The following HECW1 variants were observed in gnomAD, a reference collection of about 807,000 sequenced individuals.
The protein encoded by HECW1 is HECT, C2 and WW domain containing E3 ubiquitin protein ligase 1, also known as E3 ubiquitin-protein ligase HECW1.
HECW1 carries 61 observed loss-of-function variants against 182.3 expected under a neutral mutation model. The observed-to-expected ratio is 0.33, with a 90% CI of 0.27 to 0.41. The LOEUF (loss-of-function observed/expected upper bound fraction) is 0.41, where lower values mean the gene tolerates loss of function less well. Among genes scored for constraint, HECW1 ranks in the 10% least tolerant of loss-of-function variants. HECW1 has a pLI of 1.00. For missense variants in HECW1, 1,739 were observed against 2,108.9 expected, an observed-to-expected ratio of 0.82 and a Z score of 3.44; for synonymous variants, 859 against 832.6, an observed-to-expected ratio of 1.03 and a Z score of -0.55.
chr7:43,565,629 C>G lies in HECW1; in HGVS notation c.*3703C>G, dbSNP rs1433650450. On this transcript the variant is annotated 3_prime_UTR_variant, in exon 30 of 30. Coordinates refer to ENST00000395891, the MANE Select transcript of HECW1 (RefSeq NM_015052.5). ...ACTTCAGTGTTCATTATTAAAACTA[C>G]CGCAATACTATATCATAAAAATCTG... The G allele has an allele frequency of 1.1e-5, 2 of 175,504 alleles. No homozygotes were observed. The highest frequency in any genetic ancestry group is 2.4e-5 in the Non-Finnish European group (2 of 81,942). The allele number at this position is 175,504 out of a possible 1,614,324, so 10.9% of individuals were successfully genotyped here. A position where few individuals can be genotyped will look rare whatever the true frequency, so the allele number is the denominator to read the frequency against.
chr7:43,154,280 T>C (rs1227765740), intron 2 of HECW1, among the ~76,000 whole-genome samples: 1 of 152,196 alleles, frequency 6.6e-6, no homozygotes, highest in Non-Finnish European at 1.5e-5. Context: ...TTGAGCATGT[T>C]CCATTTACAA....
rs982954645 is a variant in HECW1 at position 43,243,876 on chromosome 7, A to T, written c.-30A>T. The T allele has an allele frequency of 6.2e-7, 1 of 1,612,622 alleles. No individual in the cohort carries two copies. Among genetic ancestry groups the T allele is most frequent in the Non-Finnish European group, 8.5e-7 (1 of 1,178,764 alleles). On this transcript the variant is annotated splice_region_variant and 5_prime_UTR_variant, in exon 3 of 30. Coordinates refer to ENST00000395891, the MANE Select transcript of HECW1 (RefSeq NM_015052.5). This position sits in a 1 kb window ranked among gnomAD's most constrained non-coding sequence, Gnocchi z 4.0. Reference sequence around the variant, plus strand: ...TAACCTCGTTGGACTTTTCCCCAGGAATTGATGCGCGTACACGTGGTGGGT... The same window carrying T: ...TAACCTCGTTGGACTTTTCCCCAGGTATTGATGCGCGTACACGTGGTGGGT...
intron 2 of HECW1, among the ~76,000 whole-genome samples, chr7:43,141,088 C>G (rs1056362184): frequency 3.9e-5 from 6 of 152,208 alleles, no homozygotes; most frequent in African/African-American, 1.4e-4. Flanking sequence ...CACAGACATT[C>G]AGTTCATAAC....
chr7:43,493,176 C>G lies in HECW1; in HGVS notation c.3433C>G (p.Leu1145Val), dbSNP rs371604134. 2.2e-5 allele frequency: 36 copies of G among 1,609,744 alleles called. No homozygotes were observed. Among genetic ancestry groups the G allele is most frequent in the Non-Finnish European group, 2.9e-5 (34 of 1,176,430 alleles). Residue 1145 changes from leucine (L) to valine (V), a missense_variant, in exon 19 of 30, where the codon CTC becomes GTC. Physicochemically the swap from Leu to Val is conservative, Grantham distance 32. Transcript: ENST00000395891. Reference sequence around the variant, plus strand: ...GCCAAGCTTAGCAAGAAACCACACACTCAGGTAAGCCTCGCCCCTCACTCC... The same window carrying G: ...GCCAAGCTTAGCAAGAAACCACACAGTCAGGTAAGCCTCGCCCCTCACTCC... ...RQPSLARNHT[L>V]REKIHYIRTE...
intron 16 of HECW1, among the ~76,000 whole-genome samples, chr7:43,470,668 G>GA (rs1314412134): frequency 4.6e-5 from 7 of 152,238 alleles, no homozygotes; most frequent in East Asian, 3.9e-4. Flanking sequence ...ACATGAGAAA[G>GA]AAAAAATCTG....
chr7:43,130,668 G>A (rs7785628), intron 2 of HECW1, among the ~76,000 whole-genome samples: 25,411 of 152,192 alleles, frequency 0.17, 2,416 homozygotes, highest in South Asian at 0.23. Flanking sequence ...CAGAATACCT[G>A]TATCAGCTGT....
intron 3 of HECW1, among the ~76,000 whole-genome samples, chr7:43,306,130 C>G (rs1183323177): frequency 6.6e-6 from 1 of 152,202 alleles, no homozygotes; most frequent in Non-Finnish European, 1.5e-5. Flanking sequence ...CTACTGACTT[C>G]AGGTAATCCA....
intron 2 of HECW1, among the ~76,000 whole-genome samples, chr7:43,206,350 G>A (rs1447337395): frequency 6.6e-6 from 1 of 152,124 alleles, no homozygotes; most frequent in East Asian, 1.9e-4. Context: ...GGAGAGGAGA[G>A]GGAAATGGAA....
rs2077021003 is a variant in HECW1 at position 43,445,404 on chromosome 7, C to T, written c.2232C>T (p.Ser744=). The change falls in exon 11 of 30, where the codon AGC becomes AGT. Residue 744 remains serine (S), a synonymous_variant. Coordinates refer to ENST00000395891, the MANE Select transcript of HECW1 (RefSeq NM_015052.5). ...AAGACGACGAGGAGGAGGAGAACAG[C>T]GCGTTCGAGTCGGTACCCGACTCCA... is the stretch of plus-strand genomic sequence containing the variant. ...SSQDDEEEEN[S]AFESVPDSMQ... 5 of 1,613,468 alleles carry T rather than the reference C, an allele frequency of 3.1e-6. No individual in the cohort carries two copies. Among genetic ancestry groups the T allele is most frequent in the South Asian group, 1.1e-5 (1 of 91,090 alleles).
intron 2 of HECW1, among the ~76,000 whole-genome samples, chr7:43,144,956 A>G (rs1788542330): frequency 6.6e-6 from 1 of 152,234 alleles, no homozygotes; most frequent in Admixed American, 6.5e-5. Flanking sequence ...CTTTCTAAAG[A>G]CAAATCAGTG....
chr7:43,187,050 G>T (rs1793477059), intron 2 of HECW1, among the ~76,000 whole-genome samples: 1 of 151,928 alleles, frequency 6.6e-6, no homozygotes, highest in African/African-American at 2.4e-5. Flanking sequence ...TCATGAGGTT[G>T]CAGTCAAGAC....
At chr7:43,288,490 G>C (rs1804958484) in intron 3 of HECW1, among the ~76,000 whole-genome samples, 1 of 152,176 alleles carries the variant, frequency 6.6e-6, no homozygotes, top group African/African-American at 2.4e-5. Flanking sequence ...TACAGTCTTT[G>C]CTAGGAAAGG....
At chr7:43,492,341 T>C (rs1320112184) in intron 18 of HECW1, among the ~76,000 whole-genome samples, 161 bp downstream of exon 18, 2 of 152,178 alleles carry the variant, frequency 1.3e-5, no homozygotes, top group Non-Finnish European at 2.9e-5. Flanking sequence ...CGACCCCTGC[T>C]ACCATCCACC....
intron 3 of HECW1, among the ~76,000 whole-genome samples, chr7:43,280,146 C>A (rs1011785790): frequency 2.0e-5 from 3 of 152,178 alleles, no homozygotes; most frequent in African/African-American, 7.2e-5. Flanking sequence ...ATTCTTATCA[C>A]CTTTTCCCAA....
At chr7:43,393,373 G>A (rs1253849449) in intron 6 of HECW1, among the ~76,000 whole-genome samples, 10 of 152,196 alleles carry the variant, frequency 6.6e-5, no homozygotes, top group Admixed American at 6.5e-4. Flanking sequence ...TCAATAAACT[G>A]TAAAGAGTCT....
intron 7 of HECW1, among the ~76,000 whole-genome samples, chr7:43,399,880 T>C (rs1009083445): frequency 1.5e-4 from 23 of 152,230 alleles, no homozygotes; most frequent in African/African-American, 5.1e-4. Context: ...GCTATGTATA[T>C]GTATGTTGCA....
chr7:43,466,357 C>T (rs2077779140), intron 14 of HECW1, 90 bp from the exon 15 acceptor site: 1 of 1,347,176 alleles, frequency 7.4e-7, no homozygotes, highest in Non-Finnish European at 1.0e-6. Flanking sequence ...TGGGTGAAGG[C>T]TTGTGTGCTG....
intron 2 of HECW1, among the ~76,000 whole-genome samples, chr7:43,175,716 T>A (rs1792160895): frequency 6.6e-6 from 1 of 152,210 alleles, no homozygotes; most frequent in Admixed American, 6.5e-5. Flanking sequence ...GCATGAAACC[T>A]TTGTGTAACG....
intron 7 of HECW1, among the ~76,000 whole-genome samples, chr7:43,405,115 C>A (rs1333334545): frequency 1.3e-5 from 2 of 148,956 alleles, no homozygotes; most frequent in Non-Finnish European, 3.0e-5. Context: ...ATAATCTCTA[C>A]CTTGCGGAGT....
Sources: gnomAD v4.1 joint callset for allele counts (sites outside exome capture counted in the v4.1 genomes callset) on GRCh38, gnomAD v4.1.1 for gene constraint, Gnocchi (gnomAD v3.1) non-coding constraint, MANE v1.5 for transcripts, NCBI Gene and HGNC (gene_info 2026-07-23, HGNC 2026-07-21) for gene names.